APLF: variants seen among roughly 807,000 people sequenced by gnomAD.
APLF encodes aprataxin and PNK-like factor.
APLF carries 61 observed loss-of-function variants against 55.6 expected under a neutral mutation model. The ratio of observed to expected loss-of-function variants is 1.10; its 90% CI spans 0.89 to 1.36. APLF has a LOEUF of 1.36. Among genes scored for constraint, APLF ranks in the 40% most tolerant of loss-of-function variants. The pLI, the probability that APLF is intolerant of heterozygous loss-of-function variation, is 0.00. For synonymous variants in APLF, 207 were observed against 214.8 expected (o/e 0.96, Z 0.32); for missense variants, 611 against 602.5 (o/e 1.01, Z -0.15).
intron 5 of APLF, chr2:68,515,456 T>G: frequency 6.4e-5 from 29 of 451,278 alleles, no homozygotes; most frequent in East Asian, 1.6e-4. Flanking sequence ...TGGACCAATG[T>G]GAGCTGGTCC....
chr2:68,496,378 T>A (rs561727338), intron 2 of APLF, among the ~76,000 whole-genome samples: 1 of 152,188 alleles, frequency 6.6e-6, no homozygotes, highest in Non-Finnish European at 1.5e-5. Context: ...GTACTGGGAT[T>A]ACAGGTGTGA....
intron 8 of APLF, among the ~76,000 whole-genome samples, chr2:68,565,554 C>CATAG (rs1312052935): frequency 1.1e-4 from 17 of 151,336 alleles, no homozygotes; most frequent in South Asian, 2.1e-4. Context: ...TACATACATA[C>CATAG]ATAGATAAAA....
chr2:68,473,292 G>A (rs1675679346), intron 1 of APLF, among the ~76,000 whole-genome samples: 1 of 152,066 alleles, frequency 6.6e-6, no homozygotes, highest in Admixed American at 6.6e-5. Flanking sequence ...ACCTTTTCAG[G>A]TTTCACTTAG....
In APLF at chr2:68,578,266, T is replaced by C. The variant is rs1671673093; in HGVS notation, c.*244T>C. The C allele has an allele frequency of 1.6e-6, 2 of 1,227,052 alleles. No homozygotes were observed. Among genetic ancestry groups the C allele is most frequent in the African/African-American group, 3.1e-5 (2 of 64,552 alleles). The allele number at this position is 1,227,052 out of a possible 1,614,324, so 76.0% of individuals were successfully genotyped here. ...TCTGGAAATAGGAAGACAGAGAAGGTAGAGTAAAAATGGATATTTTTTATG... is the reference window on the plus strand; with the variant it reads ...TCTGGAAATAGGAAGACAGAGAAGGCAGAGTAAAAATGGATATTTTTTATG... On this transcript the variant is annotated 3_prime_UTR_variant, in exon 10 of 10. Transcript: ENST00000303795.
intron 1 of APLF, among the ~76,000 whole-genome samples, chr2:68,487,715 G>A (rs546131302): frequency 2.0e-5 from 3 of 152,014 alleles, no homozygotes; most frequent in South Asian, 2.1e-4. Flanking sequence ...ACCCCTCTCC[G>A]TATATCAATC....
chr2:68,519,639 A>T (rs1669833361), intron 5 of APLF, among the ~76,000 whole-genome samples: 1 of 149,010 alleles, frequency 6.7e-6, no homozygotes, highest in Non-Finnish European at 1.5e-5. Flanking sequence ...TGTTATTGAC[A>T]AAAAAAAATT....
At chr2:68,483,542 G>A (rs991226056) in intron 1 of APLF, among the ~76,000 whole-genome samples, 1 of 151,962 alleles carries the variant, frequency 6.6e-6, no homozygotes, top group African/African-American at 2.4e-5. Flanking sequence ...CTTTTTGGGG[G>A]GCAAAGGCAC....
In APLF at chr2:68,529,516, C is replaced by G. The variant is rs1441609766; in HGVS notation, c.804+3274C>G. On this transcript the variant is annotated intron_variant, in intron 6 of 9. Coordinates refer to ENST00000303795, the MANE Select transcript of APLF (RefSeq NM_173545.3). This position sits in a 1 kb window ranked among gnomAD's most constrained non-coding sequence, Gnocchi z 4.4. The stretch of plus-strand genomic sequence containing the variant: ...CTAAGGGTCAGAAGCGGAGAGGATA[C>G]TCCTAAGTCACCCACTTCTCTGTGG... The G allele has an allele frequency of 7.7e-5, 77 of 993,926 alleles. No individual in the cohort carries two copies. The highest frequency in any genetic ancestry group is 8.0e-5 in the Non-Finnish European group (66 of 825,494). The allele number at this position is 993,926 out of a possible 1,614,324, so 61.6% of individuals were successfully genotyped here. A position where few individuals can be genotyped will look rare whatever the true frequency, so the allele number is the denominator to read the frequency against.
intron 8 of APLF, chr2:68,563,419 G>A: frequency 1.1e-6 from 1 of 920,936 alleles, no homozygotes. Flanking sequence ...TGAGGTTGGT[G>A]GATGCAGATG....
At chr2:68,565,718 T>C (rs1558555460) in intron 8 of APLF, among the ~76,000 whole-genome samples, 1 of 152,126 alleles carries the variant, frequency 6.6e-6, no homozygotes, top group Non-Finnish European at 1.5e-5. Context: ...ATGCAATATT[T>C]TTAAAGTATA....
chr2:68,520,654 A>G (rs531254918), intron 5 of APLF, among the ~76,000 whole-genome samples: 1 of 151,620 alleles, frequency 6.6e-6, no homozygotes, highest in Non-Finnish European at 1.5e-5. Context: ...TGGGTTCTCT[A>G]TTCTGTTGGT....
chr2:68,491,776 T>G (rs923316161), intron 2 of APLF, among the ~76,000 whole-genome samples: 2 of 152,182 alleles, frequency 1.3e-5, no homozygotes, highest in Admixed American at 6.5e-5. Flanking sequence ...CTGTCCCACC[T>G]CTCACACTAC....
At chr2:68,518,304 A>G (rs1353320131) in intron 5 of APLF, among the ~76,000 whole-genome samples, 1 of 114,574 alleles carries the variant, frequency 8.7e-6, no homozygotes, top group South Asian at 2.5e-4. Flanking sequence ...TTAATATATT[A>G]TATATTATTT....
intron 1 of APLF, among the ~76,000 whole-genome samples, chr2:68,481,834 ACTTGT>A (rs1238268722): frequency 6.6e-6 from 1 of 151,850 alleles, no homozygotes; most frequent in Non-Finnish European, 1.5e-5. Flanking sequence ...ATTTCAGAAG[ACTTGT>A]CTTTAAGTTC....
chr2:68,476,496 A>AG (rs1553367634), intron 1 of APLF, among the ~76,000 whole-genome samples: 44 of 150,042 alleles, frequency 2.9e-4, no homozygotes, highest in Non-Finnish European at 4.6e-4. Context: ...AAAAAAAAAA[A>AG]GTAGGAATTT....
At chr2:68,525,957 C>A in intron 5 of APLF, 104 bp from the exon 6 acceptor site, 1 of 1,126,462 alleles carries the variant, frequency 8.9e-7, no homozygotes, top group South Asian at 1.8e-5. Context: ...ACCATGTTGG[C>A]CAGGCTGGTC....
intron 1 of APLF, among the ~76,000 whole-genome samples, chr2:68,480,409 A>G (rs1675918084): frequency 6.6e-6 from 1 of 151,494 alleles, no homozygotes; most frequent in East Asian, 1.9e-4. Context: ...GATTCAAGCA[A>G]TTCTCTGCCT....
intron 8 of APLF, among the ~76,000 whole-genome samples, chr2:68,557,987 A>G (rs79338416): frequency 3.7e-4 from 56 of 152,262 alleles, no homozygotes; most frequent in African/African-American, 9.4e-4. Flanking sequence ...AAAGTAACTT[A>G]TCATCATTTG....
chr2:68,476,120 C>T (rs919959318), intron 1 of APLF, among the ~76,000 whole-genome samples: 2 of 151,736 alleles, frequency 1.3e-5, no homozygotes, highest in African/African-American at 4.8e-5. Context: ...TGGGAAAGCA[C>T]TGTAAATTGT....
Sources: allele counts gnomAD v4.1 joint callset (sites outside exome capture counted in the v4.1 genomes callset), GRCh38; gene constraint gnomAD v4.1.1; non-coding constraint Gnocchi (gnomAD v3.1); transcripts MANE v1.5; gene names NCBI Gene and HGNC (gene_info 2026-07-23, HGNC 2026-07-21).